Variants in PSTPIP1 observed in about 807,000 individuals in gnomAD.
The protein encoded by PSTPIP1 is proline-serine-threonine phosphatase interacting protein 1.
PSTPIP1 carries 66 observed loss-of-function variants against 69.6 expected under a neutral mutation model. That is an observed-to-expected ratio of 0.95 (90% CI 0.78 to 1.16). The LOEUF (loss-of-function observed/expected upper bound fraction) is 1.16. PSTPIP1 is among the 50% of genes most tolerant of loss of function. The probability of loss-of-function intolerance (pLI) is 0.00; values close to 1 mark genes in which losing one functional copy is unlikely to be tolerated. For synonymous variants in PSTPIP1, 266 were observed against 222.7 expected (o/e 1.19, Z -1.73); for missense variants, 603 against 557.4 (o/e 1.08, Z -0.82).
upstream of PSTPIP1, chr15:76,994,918 G>A (rs1020520338): frequency 8.6e-6 from 11 of 1,274,754 alleles, no homozygotes; most frequent in South Asian, 1.1e-4. Context: ...ACACACCTGG[G>A]GTTCCTGGGC....
intron 14 of PSTPIP1, among the ~76,000 whole-genome samples, 157 bp from the exon 15 acceptor site, chr15:77,036,888 G>A (rs770678587): frequency 5.3e-5 from 8 of 152,224 alleles, no homozygotes; most frequent in Middle Eastern, 3.4e-3. Flanking sequence ...GGCCCGGTCC[G>A]TTGGGTTACC....
At chr15:76,997,806 G>C (rs2075613547) in intron 1 of PSTPIP1, among the ~76,000 whole-genome samples, 1 of 152,188 alleles carries the variant, frequency 6.6e-6, no homozygotes, top group Non-Finnish European at 1.5e-5. Context: ...CTGTAAAACA[G>C]AAAAGGCACA....
At chr15:76,997,118 G>A (rs2075597380) in intron 1 of PSTPIP1, among the ~76,000 whole-genome samples, 1 of 152,244 alleles carries the variant, frequency 6.6e-6, no homozygotes, top group Non-Finnish European at 1.5e-5. Context: ...TAAGGGAGCA[G>A]GGTATGGCAG....
At position 77,032,321 on chromosome 15, in the gene PSTPIP1, G is replaced by C; in HGVS notation, c.765G>C (p.Thr255=). The part of the protein sequence containing the change: ...DDELYEEVRL[T]LEGCSIDADI... ...AGCTCTACGAGGAAGTGCGGCTGAC[G>C]CTGGAAGGCTGCAGCATAGACGCCG... is the stretch of plus-strand genomic sequence containing the variant. The change falls in exon 11 of 15, where the codon ACG becomes ACC. Residue 255 remains threonine (T), a synonymous_variant. Coordinates refer to ENST00000558012, the MANE Select transcript of PSTPIP1 (RefSeq NM_003978.5). The C allele has an allele frequency of 2.5e-6, 4 of 1,612,566 alleles. No homozygotes were observed. Among genetic ancestry groups the C allele is most frequent in the Non-Finnish European group, 3.4e-6 (4 of 1,179,730 alleles).
At chr15:77,000,728 G>C (rs2075690098) in intron 1 of PSTPIP1, among the ~76,000 whole-genome samples, 1 of 152,020 alleles carries the variant, frequency 6.6e-6, no homozygotes, top group Non-Finnish European at 1.5e-5. Flanking sequence ...TTTTTGCAGA[G>C]ATGAGGTCTC....
chr15:77,037,304 C>A lies in PSTPIP1; in HGVS notation c.*128C>A, dbSNP rs979473758. The A allele has an allele frequency of 1.7e-5, 22 of 1,292,752 alleles. No homozygotes were observed. The African/African-American group carries it at 3.1e-4, about 18-fold the overall frequency. The allele number at this position is 1,292,752 out of a possible 1,614,324, so 80.1% of individuals were successfully genotyped here. A position where few individuals can be genotyped will look rare whatever the true frequency, so the allele number is the denominator to read the frequency against. On this transcript the variant is annotated 3_prime_UTR_variant, in exon 15 of 15. Transcript: ENST00000558012. ...CCCCGAGAGGGAGCCTGTCGTCTCC[C>A]AGGGAATAAAGGAGTGCGTTCTGTT...
At chr15:76,997,446 T>C (rs2075605380) in intron 1 of PSTPIP1, among the ~76,000 whole-genome samples, 4 of 150,740 alleles carry the variant, frequency 2.7e-5, no homozygotes, top group Admixed American at 2.6e-4. Context: ...GCATAACAAC[T>C]AACATTTGCT....
At chr15:76,995,723 G>T (rs2075563516) in intron 1 of PSTPIP1, 114 bp downstream of exon 1, 1 of 1,572,902 alleles carries the variant, frequency 6.4e-7, no homozygotes, top group African/African-American at 1.3e-5. Context: ...ATAAAATAGT[G>T]GTTGATTCTT....
chr15:77,029,046 A>C (rs925077141), intron 7 of PSTPIP1, among the ~76,000 whole-genome samples: 2 of 152,228 alleles, frequency 1.3e-5, no homozygotes, highest in East Asian at 1.9e-4. Context: ...GAAGCAGCAG[A>C]AAAGGGACCC....
chr15:77,014,267 T>C (rs1487521123), intron 1 of PSTPIP1, among the ~76,000 whole-genome samples: 2 of 152,198 alleles, frequency 1.3e-5, no homozygotes, highest in Admixed American at 1.3e-4. Flanking sequence ...TGGTGAGCCC[T>C]GATCTTGAGT....
Position 77,037,355 on chromosome 15 carries a change from C to A in PSTPIP1, c.*179C>A. 1 of 777,182 alleles carries A rather than the reference C, an allele frequency of 1.3e-6. No individual in the cohort carries two copies. Among genetic ancestry groups the A allele is most frequent in the Non-Finnish European group, 1.9e-6 (1 of 516,756 alleles). The allele number at this position is 777,182 out of a possible 1,614,324, so 48.1% of individuals were successfully genotyped here. Reference sequence around the variant, plus strand: ...CTCCTTGGTGTGCTGGGGTCCCGTTCTCTTTTTCTCCTGCTCCAGTGTCCG... The same window carrying A: ...CTCCTTGGTGTGCTGGGGTCCCGTTATCTTTTTCTCCTGCTCCAGTGTCCG... On this transcript the variant is annotated 3_prime_UTR_variant, in exon 15 of 15. Coordinates refer to ENST00000558012, the MANE Select transcript of PSTPIP1 (RefSeq NM_003978.5).
rs1316450945 is a variant in PSTPIP1 at position 77,037,063 on chromosome 15, C to T, written c.1138C>T (p.Leu380=). The T allele has an allele frequency of 5.6e-6, 9 of 1,612,166 alleles. No homozygotes were observed. The highest frequency in any genetic ancestry group is 1.3e-5 in the African/African-American group (1 of 74,928). The change falls in exon 15 of 15, where the codon CTG becomes TTG. Residue 380 remains leucine, a synonymous_variant. Coordinates refer to ENST00000558012, the MANE Select transcript of PSTPIP1 (RefSeq NM_003978.5). ...TGGCCAGAACCCAGATGAGCTGGACCTGTCCGCGGGAGACATCCTGGAGGT... is the reference window on the plus strand; with the variant it reads ...TGGCCAGAACCCAGATGAGCTGGACTTGTCCGCGGGAGACATCCTGGAGGT... ...YTAQNPDELD[L]SAGDILEVIL...
chr15:77,033,072 C>T (rs1344809585), intron 12 of PSTPIP1, 120 bp downstream of exon 12: 1 of 1,039,876 alleles, frequency 9.6e-7, no homozygotes, highest in Admixed American at 2.2e-5. Flanking sequence ...GTATCTGGTG[C>T]CCAGTTTAGG....
Position 77,029,585 on chromosome 15 carries a change from C to A in PSTPIP1, c.562+11C>A, listed in dbSNP as rs1179693752. The A allele has an allele frequency of 6.4e-7, 1 of 1,570,550 alleles. No individual in the cohort carries two copies. Among genetic ancestry groups the A allele is most frequent in the Non-Finnish European group, 8.6e-7 (1 of 1,158,838 alleles). On this transcript the variant is annotated intron_variant, in intron 8 of 14. Coordinates refer to ENST00000558012, the MANE Select transcript of PSTPIP1 (RefSeq NM_003978.5). ...CGGCCACCGAGGCAGGTATGTGGGC[C>A]TGGCTGCCCCGTCCGACCAGGGCGG...
At chr15:77,008,046 A>G (rs1306328113) in intron 1 of PSTPIP1, 1 of 456,480 alleles carries the variant, frequency 2.2e-6, no homozygotes, top group Non-Finnish European at 4.4e-6. Context: ...GAAGACCCAG[A>G]ACAGCTGAGG....
intron 1 of PSTPIP1, 143 bp downstream of exon 1, chr15:76,995,752 G>C: frequency 6.9e-7 from 1 of 1,458,212 alleles, no homozygotes; most frequent in Non-Finnish European, 9.4e-7. Context: ...TTGTCATGGA[G>C]GTGGCCCAGG....
intron 1 of PSTPIP1, among the ~76,000 whole-genome samples, chr15:77,000,682 A>C (rs1390846218): frequency 6.6e-6 from 1 of 152,060 alleles, no homozygotes; most frequent in African/African-American, 2.4e-5. Context: ...TTGTGTACAT[A>C]ATTTTGTATT....
At chr15:77,028,433 C>A (rs1248991876) in intron 6 of PSTPIP1, 121 bp from the exon 7 acceptor site, 3 of 754,512 alleles carry the variant, frequency 4.0e-6, no homozygotes, top group Non-Finnish European at 6.3e-6. Context: ...GGTGAGGATG[C>A]CCCCACTCCA....
At chr15:77,028,757 A>G in intron 7 of PSTPIP1, 105 bp downstream of exon 7, 1 of 1,029,976 alleles carries the variant, frequency 9.7e-7, no homozygotes, top group Admixed American at 2.9e-5. Flanking sequence ...GCATCTGGGG[A>G]TGCTGCTTAG....
Sources: gnomAD v4.1 joint callset for allele counts (sites outside exome capture counted in the v4.1 genomes callset) on GRCh38, gnomAD v4.1.1 for gene constraint, MANE v1.5 for transcripts, NCBI Gene and HGNC (gene_info 2026-07-23, HGNC 2026-07-21) for gene names.